The following ADAMTSL1 variants were observed in gnomAD, a reference collection of about 807,000 sequenced individuals.
ADAMTSL1 encodes the protein ADAMTS like 1.
A neutral mutation model predicts 201.8 loss-of-function variants in ADAMTSL1; 126 were observed. The observed-to-expected ratio is 0.62, with a 90% CI of 0.54 to 0.72. The LOEUF is 0.72. ADAMTSL1 is among the 30% of genes least tolerant of loss of function. ADAMTSL1 has a pLI of 0.00. For synonymous variants in ADAMTSL1, 1,121 were observed against 903.4 expected, an observed-to-expected ratio of 1.24 and a Z score of -4.32; for missense variants, 2,679 against 2,277.8, an observed-to-expected ratio of 1.18 and a Z score of -3.59.
At chr9:17,948,164 T>C (rs925583543) in intron 1 of ADAMTSL1, among the ~76,000 whole-genome samples, 1 of 152,204 alleles carries the variant, frequency 6.6e-6, no homozygotes, top group Admixed American at 6.5e-5. Context: ...GAGGGTTCAT[T>C]GCAAAATTAC....
chr9:18,279,754 A>G (rs1408302058), intron 2 of ADAMTSL1, among the ~76,000 whole-genome samples: 3 of 152,172 alleles, frequency 2.0e-5, no homozygotes, highest in Non-Finnish European at 4.4e-5. Flanking sequence ...TTAAAAATGC[A>G]GTATTCGCAG....
chr9:18,099,355 A>ATTTT lies in ADAMTSL1; in HGVS notation c.88-64493_88-64490dup, dbSNP rs397893715. Reference sequence around the variant, plus strand: ...TATATATATATATATATATATATATATTTTTTTTTTTTTTTTTAACATCCA... The same window carrying ATTTT: ...TATATATATATATATATATATATATATTTTTTTTTTTTTTTTTTTTTAACATCCA... On this transcript the variant is annotated intron_variant, in intron 1 of 29. Transcript: ENST00000680146. Among the ~76,000 whole-genome samples, 11 of 45,540 alleles carry ATTTT rather than the reference A, an allele frequency of 2.4e-4. No homozygotes were observed. The East Asian group carries it at 3.0e-3, about 12-fold the overall frequency. The allele number at this position is 45,540 out of a possible 152,430, so 29.9% of individuals were successfully genotyped here.
At chr9:18,869,207 A>C (rs1827731791) in intron 23 of ADAMTSL1, among the ~76,000 whole-genome samples, 1 of 152,216 alleles carries the variant, frequency 6.6e-6, no homozygotes, top group African/African-American at 2.4e-5. Context: ...ACAGTCCTCA[A>C]ATGGAGCCAA....
At chr9:18,303,605 A>T (rs1833788287) in intron 2 of ADAMTSL1, among the ~76,000 whole-genome samples, 1 of 152,122 alleles carries the variant, frequency 6.6e-6, no homozygotes, top group Non-Finnish European at 1.5e-5. Context: ...CATCAAGCTG[A>T]GGGAATGAGG....
intron 19 of ADAMTSL1, among the ~76,000 whole-genome samples, chr9:18,780,062 G>T (rs1821296206): frequency 6.6e-6 from 1 of 152,224 alleles, no homozygotes; most frequent in Non-Finnish European, 1.5e-5. Flanking sequence ...TGCCTGCAGG[G>T]AGAACATTGA....
chr9:18,327,918 A>G (rs1190382319), intron 2 of ADAMTSL1, among the ~76,000 whole-genome samples: 1 of 148,484 alleles, frequency 6.7e-6, no homozygotes, highest in African/African-American at 2.5e-5. Flanking sequence ...GCTCAAAGAT[A>G]TTTAAGATGG....
At chr9:18,533,201 A>G in intron 2 of ADAMTSL1, 46 bp from the exon 3 acceptor site, 1 of 1,522,732 alleles carries the variant, frequency 6.6e-7, no homozygotes, top group Non-Finnish European at 9.0e-7. Context: ...TCTGATTTTG[A>G]GCTTTTCATA....
intron 23 of ADAMTSL1, among the ~76,000 whole-genome samples, chr9:18,847,699 T>C (rs1003997235): frequency 1.6e-4 from 25 of 152,112 alleles, no homozygotes; most frequent in Admixed American, 4.6e-4. Flanking sequence ...GAAGAATGAG[T>C]GCGGAGTTCC....
In ADAMTSL1 at chr9:18,282,609, A is replaced by G. The variant is rs184720740; in HGVS notation, c.207+118628A>G. 6.6e-5 allele frequency among the ~76,000 whole-genome samples: 10 copies of G among 152,342 alleles called. No homozygotes were observed. In the East Asian group the frequency reaches 1.9e-3, roughly 29 times the overall value. The stretch of plus-strand genomic sequence containing the variant: ...GAATATTCCATGTGCACTTGAAAAG[A>G]GTACGTGGCCGGGTGCAGTGGCTCA... On this transcript the variant is annotated intron_variant, in intron 2 of 29. Coordinates refer to the ADAMTSL1 transcript ENST00000680146.
At chr9:18,661,193 T>C (rs574464881) in intron 8 of ADAMTSL1, among the ~76,000 whole-genome samples, 2 of 152,280 alleles carry the variant, frequency 1.3e-5, no homozygotes, top group African/African-American at 4.8e-5. Flanking sequence ...TCAACAATAC[T>C]TTTTTTAAGA....
In ADAMTSL1 at chr9:18,578,760, G is replaced by A. The variant is rs368155162; in HGVS notation, c.474+4494G>A. On this transcript the variant is annotated intron_variant, in intron 4 of 28. Transcript: ENST00000380548. ...TATATACCCAGTAATGGGATGGCTG[G>A]GTCAAATGGTATTTCTAGTTCTAGA... is the stretch of plus-strand genomic sequence containing the variant. Among the ~76,000 whole-genome samples the A allele has an allele frequency of 8.6e-5, 13 of 151,628 alleles. No individual in the cohort carries two copies. In the East Asian group the frequency reaches 1.9e-3, roughly 23 times the overall value.
intron 3 of ADAMTSL1, among the ~76,000 whole-genome samples, chr9:18,558,734 A>G (rs1821270896): frequency 6.6e-6 from 1 of 151,930 alleles, no homozygotes; most frequent in Non-Finnish European, 1.5e-5. Context: ...CTCATTATAG[A>G]TTTGATTTCC....
intron 14 of ADAMTSL1, 102 bp from the exon 15 acceptor site, chr9:18,721,434 C>G: frequency 6.7e-7 from 1 of 1,502,458 alleles, no homozygotes; most frequent in South Asian, 1.3e-5. Flanking sequence ...GAGAGTCCTA[C>G]AGAACACAGG....
intron 2 of ADAMTSL1, among the ~76,000 whole-genome samples, chr9:18,333,545 A>G (rs923027610): frequency 2.0e-5 from 3 of 152,204 alleles, no homozygotes; most frequent in Non-Finnish European, 2.9e-5. Context: ...CAGCAAGCCA[A>G]TTTTGTAAAA....
At chr9:18,291,069 C>G (rs1159024688) in intron 2 of ADAMTSL1, among the ~76,000 whole-genome samples, 1 of 152,124 alleles carries the variant, frequency 6.6e-6, no homozygotes, top group African/African-American at 2.4e-5. Flanking sequence ...GCGTGAGCCA[C>G]CGCACCCGGG....
chr9:17,950,888 C>T (rs1266498423), intron 1 of ADAMTSL1, among the ~76,000 whole-genome samples: 1 of 151,992 alleles, frequency 6.6e-6, no homozygotes, highest in African/African-American at 2.4e-5. Flanking sequence ...ATGCAATGTC[C>T]CAGGCAAGCA....
intron 2 of ADAMTSL1, among the ~76,000 whole-genome samples, chr9:18,526,289 G>A (rs577131472): frequency 2.2e-4 from 33 of 152,118 alleles, no homozygotes; most frequent in East Asian, 7.7e-4. Context: ...TCCATTTGCC[G>A]CGTAGATCTT....
intron 2 of ADAMTSL1, among the ~76,000 whole-genome samples, chr9:18,251,868 A>C (rs1831476652): frequency 6.6e-6 from 1 of 152,188 alleles, no homozygotes; most frequent in Non-Finnish European, 1.5e-5. Context: ...TTCAGTGGGA[A>C]AAATTTGGTT....
At chr9:18,515,961 G>T (rs935281402) in intron 2 of ADAMTSL1, among the ~76,000 whole-genome samples, 1 of 151,916 alleles carries the variant, frequency 6.6e-6, no homozygotes, top group East Asian at 1.9e-4. Context: ...GGTAGTTTAT[G>T]CAAATTCTCT....
Sources: gnomAD v4.1 joint callset for allele counts (sites outside exome capture counted in the v4.1 genomes callset) on GRCh38, gnomAD v4.1.1 for gene constraint, MANE v1.5 for transcripts, NCBI Gene and HGNC (gene_info 2026-07-23, HGNC 2026-07-21) for gene names.